The following KALRN variants were observed in gnomAD, a reference collection of about 807,000 sequenced individuals.
KALRN encodes the protein kalirin.
A neutral mutation model predicts 353.7 loss-of-function variants in KALRN; 70 were observed. The observed-to-expected ratio is 0.20, with a 90% confidence interval of 0.16 to 0.24. KALRN has a LOEUF of 0.24. Among genes scored for constraint, KALRN ranks in the 10% least tolerant of loss-of-function variants. KALRN has a pLI of 1.00. For missense variants in KALRN, 2,791 were observed against 3,756.7 expected, an observed-to-expected ratio of 0.74 and a Z score of 6.72; for synonymous variants, 1,391 against 1,434.8, an observed-to-expected ratio of 0.97 and a Z score of 0.69.
At chr3:124,116,117 G>A (rs965638577) in intron 1 of KALRN, among the ~76,000 whole-genome samples, 1 of 152,190 alleles carries the variant, frequency 6.6e-6, no homozygotes, top group Non-Finnish European at 1.5e-5. Flanking sequence ...ATGAGGCCAA[G>A]GCTGCAGCCC....
intron 33 of KALRN, among the ~76,000 whole-genome samples, chr3:124,513,340 A>C (rs892545586): frequency 1.3e-5 from 2 of 152,222 alleles, no homozygotes; most frequent in African/African-American, 2.4e-5. Flanking sequence ...AGAGAGAAGC[A>C]GACGTGTTTC....
At chr3:124,110,733 T>A (rs2062882814) in intron 1 of KALRN, among the ~76,000 whole-genome samples, 1 of 152,206 alleles carries the variant, frequency 6.6e-6, no homozygotes, top group Non-Finnish European at 1.5e-5. Context: ...TCGACCTAGG[T>A]TGCAGTCAAC....
At chr3:124,259,877 C>T (rs1293189779) in intron 3 of KALRN, among the ~76,000 whole-genome samples, 1 of 152,094 alleles carries the variant, frequency 6.6e-6, no homozygotes, top group Non-Finnish European at 1.5e-5. Context: ...GGAAGACTTC[C>T]TTGAAGAGTC....
intron 3 of KALRN, among the ~76,000 whole-genome samples, chr3:124,252,628 C>G: frequency 6.6e-6 from 1 of 152,210 alleles, no homozygotes; most frequent in Non-Finnish European, 1.5e-5. Context: ...AGAAAAGACA[C>G]TAACTCTTTG....
chr3:124,046,752 T>C (rs1237416405), intron 1 of KALRN, among the ~76,000 whole-genome samples: 3 of 152,192 alleles, frequency 2.0e-5, no homozygotes, highest in Non-Finnish European at 4.4e-5. Context: ...CTTTAAGGCC[T>C]TTTGGAGGCC....
rs371608934 is a variant in KALRN at position 124,206,131 on chromosome 3, G to A, written c.74-21859G>A. Among the ~76,000 whole-genome samples, 9 of 152,326 alleles carry A rather than the reference G, an allele frequency of 5.9e-5. No homozygotes were observed. In the East Asian group the frequency reaches 1.7e-3, roughly 29 times the overall value. ...CATAGGTTGATGGCTGTAATAACCAGTAAGTATCAGAGATCACGTAATAGA... is the reference window on the plus strand; with the variant it reads ...CATAGGTTGATGGCTGTAATAACCAATAAGTATCAGAGATCACGTAATAGA... On this transcript the variant is annotated intron_variant, in intron 1 of 59. Transcript: ENST00000682506.
chr3:124,468,015 A>T (rs1176339765), intron 25 of KALRN, among the ~76,000 whole-genome samples: 1 of 151,910 alleles, frequency 6.6e-6, no homozygotes, highest in African/African-American at 2.4e-5. Flanking sequence ...CCCTAGGGAA[A>T]GGGGAGGGGA....
intron 1 of KALRN, among the ~76,000 whole-genome samples, chr3:124,147,837 G>A (rs1439168757): frequency 6.6e-6 from 1 of 152,210 alleles, no homozygotes; most frequent in African/African-American, 2.4e-5. Flanking sequence ...TATAGATGCT[G>A]TATGTTATTT....
intron 1 of KALRN, among the ~76,000 whole-genome samples, chr3:124,067,240 T>C (rs1325924182): frequency 6.6e-6 from 1 of 152,174 alleles, no homozygotes; most frequent in Non-Finnish European, 1.5e-5. Flanking sequence ...AGACCTCAGA[T>C]ATGATATTAG....
At chr3:124,579,600 A>T (rs1403114977) in intron 34 of KALRN, among the ~76,000 whole-genome samples, 1 of 152,128 alleles carries the variant, frequency 6.6e-6, no homozygotes, top group Non-Finnish European at 1.5e-5. Flanking sequence ...TCCAGGAATA[A>T]AGCTTTAGGA....
At chr3:124,269,580 C>T (rs1469552752) in intron 5 of KALRN, among the ~76,000 whole-genome samples, 4 of 152,164 alleles carry the variant, frequency 2.6e-5, no homozygotes, top group Non-Finnish European at 4.4e-5. Context: ...CAGTCTGGCT[C>T]CAGGGTCCCT....
chr3:124,123,419 A>G (rs2064269305), intron 1 of KALRN, among the ~76,000 whole-genome samples: 1 of 152,230 alleles, frequency 6.6e-6, no homozygotes, highest in Non-Finnish European at 1.5e-5. Flanking sequence ...CCTAATCCAC[A>G]GCAAAGCACT....
chr3:124,089,921 C>CT (rs2061019259), intron 1 of KALRN, among the ~76,000 whole-genome samples: 1 of 152,130 alleles, frequency 6.6e-6, no homozygotes, highest in Non-Finnish European at 1.5e-5. Context: ...TTGACCTAGG[C>CT]TTTATCTTTT....
At chr3:124,504,063 C>T (rs2064931943) in intron 33 of KALRN, among the ~76,000 whole-genome samples, 1 of 152,108 alleles carries the variant, frequency 6.6e-6, no homozygotes, top group Non-Finnish European at 1.5e-5. Flanking sequence ...GAAGTGCTCT[C>T]GTGGTACTCA....
chr3:124,721,245 T>C lies in KALRN; in HGVS notation c.*1775T>C, dbSNP rs932151750. On this transcript the variant is annotated 3_prime_UTR_variant, in exon 60 of 60. Transcript: ENST00000682506. ...CTCCACCTCATCCCATCCAAGATTATAGATTGATAAATTAATGGAAAGTAT... is the reference window on the plus strand; with the variant it reads ...CTCCACCTCATCCCATCCAAGATTACAGATTGATAAATTAATGGAAAGTAT... The C allele has an allele frequency of 6.6e-6, 1 of 152,148 alleles. No individual in the cohort carries two copies. The highest frequency in any genetic ancestry group is 1.5e-5 in the Non-Finnish European group (1 of 68,042). 9.4% of individuals were successfully genotyped at this position (152,148 alleles called of 1,614,324 possible).
chr3:124,149,469 G>C (rs770546784), intron 1 of KALRN, among the ~76,000 whole-genome samples: 1 of 152,222 alleles, frequency 6.6e-6, no homozygotes, highest in South Asian at 2.1e-4. Context: ...CTGCTGCCCA[G>C]TGTCTAATAA....
chr3:124,554,780 A>C (rs1288489147), intron 33 of KALRN, among the ~76,000 whole-genome samples: 2 of 152,180 alleles, frequency 1.3e-5, no homozygotes, highest in Non-Finnish European at 2.9e-5. Context: ...AAAGGAAGGA[A>C]CTTGTTGACT....
chr3:124,434,598 G>C, intron 17 of KALRN, 73 bp downstream of exon 17: 1 of 1,371,160 alleles, frequency 7.3e-7, no homozygotes, highest in South Asian at 1.2e-5. Context: ...CAGTGTAAAT[G>C]TGCAGTGCTT....
Position 124,657,307 on chromosome 3 carries a change from TG to T in KALRN, c.5863-140del, listed in dbSNP as rs2084183785. The T allele has an allele frequency of 4.8e-6, 3 of 630,788 alleles. No individual in the cohort carries two copies. In the Admixed American group the frequency reaches 8.1e-5, roughly 17 times the overall value. The allele number at this position is 630,788 out of a possible 1,614,324, so 39.1% of individuals were successfully genotyped here. A position where few individuals can be genotyped will look rare whatever the true frequency, so the allele number is the denominator to read the frequency against. On this transcript the variant is annotated intron_variant, in intron 39 of 59. Coordinates refer to ENST00000682506, the MANE Select transcript of KALRN (RefSeq NM_001388419.1). ...CTGCACCAGGGGTTAAAGACCTGGT[TG>T]AATAGTGAGAAACCACAGAAGCATT...
Sources: gnomAD v4.1 joint callset for allele counts (sites outside exome capture counted in the v4.1 genomes callset) on GRCh38, gnomAD v4.1.1 for gene constraint, MANE v1.5 for transcripts, NCBI Gene and HGNC (gene_info 2026-07-23, HGNC 2026-07-21) for gene names.